EYS: variants seen among roughly 807,000 people sequenced by gnomAD.
EYS encodes the protein protein eyes shut homolog.
EYS carries 250 observed loss-of-function variants against 282.1 expected under a neutral mutation model. The ratio of observed to expected loss-of-function variants is 0.89; its 90% confidence interval spans 0.80 to 0.98. EYS has a LOEUF of 0.98. Among genes scored for constraint, EYS ranks in the 50% least tolerant of loss-of-function variants. The pLI is 0.00. For synonymous variants in EYS, 1,355 were observed against 1,282.9 expected, an observed-to-expected ratio of 1.06 and a Z score of -1.20; for missense variants, 4,016 against 3,709.0, an observed-to-expected ratio of 1.08 and a Z score of -2.15.
intron 35 of EYS, among the ~76,000 whole-genome samples, chr6:63,864,791 C>T (rs1306472038): frequency 6.6e-6 from 1 of 152,150 alleles, no homozygotes; most frequent in Non-Finnish European, 1.5e-5. Context: ...AGGACAAAGT[C>T]CTCCAAGAGC....
At chr6:64,706,603 A>G (rs1189533596) in intron 22 of EYS, among the ~76,000 whole-genome samples, 1 of 152,126 alleles carries the variant, frequency 6.6e-6, no homozygotes, top group East Asian at 1.9e-4. Flanking sequence ...AGCAACTCAA[A>G]CAAATCAGCA....
At chr6:64,386,342 G>A (rs1050662344) in intron 29 of EYS, among the ~76,000 whole-genome samples, 6 of 152,188 alleles carry the variant, frequency 3.9e-5, no homozygotes, top group South Asian at 2.1e-4. Flanking sequence ...CACAGCTGGT[G>A]AGGCCTCACA....
intron 22 of EYS, among the ~76,000 whole-genome samples, chr6:64,657,199 T>G (rs2149883485): frequency 6.6e-6 from 1 of 152,262 alleles, no homozygotes; most frequent in East Asian, 1.9e-4. Context: ...TTGTTTTCCA[T>G]TTGCTTGGTA....
At chr6:65,331,465 A>C (rs1340800972) in intron 11 of EYS, 5 of 863,070 alleles carry the variant, frequency 5.8e-6, no homozygotes, top group Non-Finnish European at 7.0e-6. Context: ...ACTGATATAG[A>C]GAAACTTAAT....
chr6:65,220,005 G>A (rs983156147), intron 12 of EYS, among the ~76,000 whole-genome samples: 1 of 152,134 alleles, frequency 6.6e-6, no homozygotes, highest in African/African-American at 2.4e-5. Flanking sequence ...TTGAGGGGGA[G>A]GCATAAAGGC....
intron 29 of EYS, among the ~76,000 whole-genome samples, chr6:64,352,405 TC>T (rs1771673879): frequency 6.6e-6 from 1 of 151,588 alleles, no homozygotes; most frequent in Admixed American, 6.6e-5. Flanking sequence ...CAATATACGT[TC>T]ACTAGTATCT....
chr6:65,144,145 T>A (rs1286992055), intron 12 of EYS, among the ~76,000 whole-genome samples: 5 of 152,100 alleles, frequency 3.3e-5, no homozygotes, highest in African/African-American at 1.2e-4. Context: ...ACCTGAGCAC[T>A]TCAGAGCTTC....
At chr6:64,247,218 G>A (rs893970562) in intron 30 of EYS, among the ~76,000 whole-genome samples, 1 of 152,138 alleles carries the variant, frequency 6.6e-6, no homozygotes, top group African/African-American at 2.4e-5. Flanking sequence ...TACCTGGAAA[G>A]TGAATCCAAA....
chr6:65,230,615 TAG>T (rs1766747084), intron 12 of EYS, among the ~76,000 whole-genome samples: 2 of 151,930 alleles, frequency 1.3e-5, no homozygotes, highest in South Asian at 2.1e-4. Context: ...TTTTTTTTCC[TAG>T]AGAGTCTGTA....
rs372581566 is a variant in EYS, at chr6:64,057,562, TG to T, written c.6725+8775del. On this transcript the variant is annotated intron_variant, in intron 33 of 42. Transcript: ENST00000503581. ...ATTTCATTTTTAAAAAGTAAACTTT[TG>T]GAAAGAATGCCAGAGCTACTATCCA... is the stretch of plus-strand genomic sequence containing the variant. Among the ~76,000 whole-genome samples, 81 of 152,260 alleles carry T rather than the reference TG, an allele frequency of 5.3e-4. No homozygotes were observed. In the East Asian group the frequency reaches 0.014, roughly 26 times the overall value.
intron 36 of EYS, among the ~76,000 whole-genome samples, chr6:63,812,701 A>G (rs1771080061): frequency 6.6e-6 from 1 of 152,030 alleles, no homozygotes; most frequent in Non-Finnish European, 1.5e-5. Context: ...ATTACTGTTT[A>G]TCTAGTATCT....
At chr6:64,954,205 C>A (rs1018611288) in intron 14 of EYS, among the ~76,000 whole-genome samples, 1 of 151,528 alleles carries the variant, frequency 6.6e-6, no homozygotes, top group Non-Finnish European at 1.5e-5. Flanking sequence ...AGTTCTCTTA[C>A]GGCATGCCCT....
intron 14 of EYS, among the ~76,000 whole-genome samples, chr6:64,989,418 A>ATATATATAT (rs1770976499): frequency 2.1e-5 from 1 of 48,486 alleles, no homozygotes; most frequent in African/African-American, 1.4e-4. Flanking sequence ...TATATATATG[A>ATATATATAT]ATATATATGA....
intron 2 of EYS, among the ~76,000 whole-genome samples, chr6:65,611,276 A>C (rs755207134): frequency 1.3e-5 from 2 of 151,920 alleles, no homozygotes; most frequent in Admixed American, 1.3e-4. Flanking sequence ...TTCAACCTAC[A>C]TAAGTTCATT....
At chr6:63,912,400 T>C (rs1764279080) in intron 35 of EYS, among the ~76,000 whole-genome samples, 1 of 152,158 alleles carries the variant, frequency 6.6e-6, no homozygotes, top group South Asian at 2.1e-4. Flanking sequence ...TTAATTTTAA[T>C]AATATATTCT....
chr6:65,120,693 CCTCT>C (rs1561976442), intron 12 of EYS, among the ~76,000 whole-genome samples: 1 of 152,080 alleles, frequency 6.6e-6, no homozygotes, highest in Non-Finnish European at 1.5e-5. Flanking sequence ...CCAATATCAT[CCTCT>C]CTTTCTGTGA....
chr6:64,154,863 C>G (rs554997761), intron 31 of EYS, among the ~76,000 whole-genome samples: 1 of 152,110 alleles, frequency 6.6e-6, no homozygotes. Flanking sequence ...AAATAATACT[C>G]TACCCATGAA....
intron 29 of EYS, among the ~76,000 whole-genome samples, chr6:64,360,452 A>G (rs893693810): frequency 1.3e-4 from 20 of 151,640 alleles, no homozygotes; most frequent in Admixed American, 8.6e-4. Context: ...CATTATCATG[A>G]CCTACCTCTT....
chr6:65,077,049 T>C (rs963670845), intron 12 of EYS, among the ~76,000 whole-genome samples: 2 of 151,862 alleles, frequency 1.3e-5, no homozygotes, highest in Non-Finnish European at 2.9e-5. Flanking sequence ...AGTCAACGAT[T>C]AGTGGGGATA....
Sources: gnomAD v4.1 joint callset for allele counts (sites outside exome capture counted in the v4.1 genomes callset) on GRCh38, gnomAD v4.1.1 for gene constraint, MANE v1.5 for transcripts, NCBI Gene and HGNC (gene_info 2026-07-23, HGNC 2026-07-21) for gene names.